Variants in SLC35A3 observed in about 807,000 individuals in gnomAD.
SLC35A3 encodes the protein solute carrier family 35 member A3.
SLC35A3 carries 26 observed loss-of-function variants against 39.0 expected under a neutral mutation model. That is an observed-to-expected ratio of 0.67 (90% confidence interval 0.49 to 0.92). The LOEUF (loss-of-function observed/expected upper bound fraction) is 0.92. Among genes scored for constraint, SLC35A3 ranks in the 40% least tolerant of loss-of-function variants. SLC35A3 has a pLI of 0.00. For synonymous variants in SLC35A3, 135 were observed against 133.1 expected (o/e 1.01, Z -0.10); for missense variants, 299 against 371.6 (o/e 0.80, Z 1.61).
At position 99,993,531 on chromosome 1, in the gene SLC35A3, T is replaced by C. The variant is rs199911395; in HGVS notation, c.-18-6T>C. ...ATTTATTTGCCCTGTTTATTTTGTT[T>C]TTCAGGCAAATGAAGATAAAACAAT... On this transcript the variant is annotated splice_region_variant and splice_polypyrimidine_tract_variant and intron_variant, in intron 1 of 7. Transcript: ENST00000533028. The C allele has an allele frequency of 7.2e-4, 1,168 of 1,611,892 alleles. 3 individuals are homozygous for C. Among genetic ancestry groups the C allele is most frequent in the Non-Finnish European group, 8.8e-4 (1,037 of 1,178,816 alleles).
chr1:99,980,293 A>G (rs1043864999), intron 1 of SLC35A3, among the ~76,000 whole-genome samples: 1 of 152,136 alleles, frequency 6.6e-6, no homozygotes, highest in African/African-American at 2.4e-5. Context: ...AGTGGTGGGA[A>G]GTGACCATAA....
At chr1:100,001,701 G>A (rs887915791) in intron 3 of SLC35A3, among the ~76,000 whole-genome samples, 2 of 151,872 alleles carry the variant, frequency 1.3e-5, no homozygotes, top group Non-Finnish European at 2.9e-5. Context: ...TCATTTGCCC[G>A]ATTTTGTTCC....
In SLC35A3 at chr1:99,997,638, A is replaced by T. The variant is rs1023305336; in HGVS notation, c.188-1623A>T. On this transcript the variant is annotated intron_variant, in intron 2 of 7. Transcript: ENST00000533028. ...ATTGCAGAAATTTTTAAAGCCTGTTATTCTACTCTAATGCAGTTATTTTGT... is the reference window on the plus strand; with the variant it reads ...ATTGCAGAAATTTTTAAAGCCTGTTTTTCTACTCTAATGCAGTTATTTTGT... Among the ~76,000 whole-genome samples, 9 of 150,332 alleles carry T rather than the reference A, an allele frequency of 6.0e-5. No homozygotes were observed. In the East Asian group the frequency reaches 1.6e-3, roughly 26 times the overall value.
intron 1 of SLC35A3, among the ~76,000 whole-genome samples, chr1:99,975,402 A>T (rs771989622): frequency 6.7e-6 from 1 of 150,082 alleles, no homozygotes; most frequent in Non-Finnish European, 1.5e-5. Flanking sequence ...AGTGAATAGA[A>T]GAAGGAAATG....
chr1:100,017,419 T>C (rs1396737051), intron 6 of SLC35A3, among the ~76,000 whole-genome samples: 1 of 152,202 alleles, frequency 6.6e-6, no homozygotes, highest in Non-Finnish European at 1.5e-5. Flanking sequence ...TGATAGACAT[T>C]TTATTTGTAA....
chr1:99,999,173 T>A lies in SLC35A3; in HGVS notation c.188-88T>A, dbSNP rs1372995832. 1.2e-5 allele frequency: 9 copies of A among 776,772 alleles called. No homozygotes were observed. The Admixed American group carries it at 1.8e-4, about 15-fold the overall frequency. 48.1% of individuals were successfully genotyped at this position (776,772 alleles called of 1,614,324 possible). ...GACATGTAGCTCAATTTTGTTTTTCTATAGGTTAGAAAATTGAGATCTTGA... is the reference window on the plus strand; with the variant it reads ...GACATGTAGCTCAATTTTGTTTTTCAATAGGTTAGAAAATTGAGATCTTGA... On this transcript the variant is annotated intron_variant, in intron 2 of 7. Coordinates refer to ENST00000533028, the MANE Select transcript of SLC35A3 (RefSeq NM_012243.3).
intron 3 of SLC35A3, among the ~76,000 whole-genome samples, chr1:100,003,943 C>T (rs1201763653): frequency 2.6e-5 from 4 of 152,034 alleles, no homozygotes; most frequent in African/African-American, 9.7e-5. Context: ...TATTTCTGCT[C>T]GTTTTTGGTT....
chr1:99,979,547 C>T (rs1194920101), intron 1 of SLC35A3, among the ~76,000 whole-genome samples: 2 of 151,238 alleles, frequency 1.3e-5, no homozygotes, highest in Admixed American at 6.6e-5. Context: ...CATTCTCCTG[C>T]CTCAGCCTCC....
intron 1 of SLC35A3, among the ~76,000 whole-genome samples, chr1:99,982,003 CTTTTT>C (rs549298454): frequency 1.6e-5 from 2 of 125,824 alleles, no homozygotes; most frequent in Admixed American, 8.1e-5. Context: ...AGGATGTATT[CTTTTT>C]TTTTTTTTTT....
chr1:100,015,157 CAAAAA>C (rs760381564), intron 5 of SLC35A3, 140 bp from the exon 6 acceptor site: 616 of 453,436 alleles, frequency 1.4e-3, no homozygotes, highest in South Asian at 3.1e-3. Flanking sequence ...GACTCCGTCT[CAAAAA>C]AAAAAAAAAA....
intron 4 of SLC35A3, 157 bp downstream of exon 4, chr1:100,007,313 A>G (rs1659310974): frequency 1.6e-6 from 1 of 611,502 alleles, no homozygotes; most frequent in Non-Finnish European, 2.8e-6. Flanking sequence ...TATGTGACAT[A>G]CTACATTGGG....
rs975091266 is a variant in SLC35A3, at chr1:100,025,720, C to T, written c.*3244C>T. The T allele has an allele frequency of 2.2e-4, 34 of 152,136 alleles. No individual in the cohort carries two copies. The highest frequency in any genetic ancestry group is 8.2e-4 in the African/African-American group (34 of 41,424). 9.4% of individuals were successfully genotyped at this position (152,136 alleles called of 1,614,324 possible). On this transcript the variant is annotated 3_prime_UTR_variant, in exon 8 of 8. Coordinates refer to ENST00000533028, the MANE Select transcript of SLC35A3 (RefSeq NM_012243.3). ...GTGATGTGTGTTTTGATGACCTCCA[C>T]AGGCCTTACTGTATCAAGCTTTTAT...
intron 3 of SLC35A3, among the ~76,000 whole-genome samples, chr1:100,005,181 C>T (rs751837912): frequency 1.1e-4 from 16 of 152,134 alleles, no homozygotes; most frequent in Non-Finnish European, 1.3e-4. Flanking sequence ...TCTTAAAAAA[C>T]CTGCTGCTAA....
At position 100,024,208 on chromosome 1, in the gene SLC35A3, T is replaced by A. The variant is rs565284806; in HGVS notation, c.*1732T>A. The A allele has an allele frequency of 6.6e-6, 1 of 152,216 alleles. No individual in the cohort carries two copies. Among genetic ancestry groups the A allele is most frequent in the Non-Finnish European group, 1.5e-5 (1 of 68,002 alleles). The allele number at this position is 152,216 out of a possible 1,614,324, so 9.4% of individuals were successfully genotyped here. A position where few individuals can be genotyped will look rare whatever the true frequency, so the allele number is the denominator to read the frequency against. ...AAAAATGCTTTCTATAATTTGAATA[T>A]GGGTTTAATTTAATTATTAACTATA... On this transcript the variant is annotated 3_prime_UTR_variant, in exon 8 of 8. Transcript: ENST00000533028.
At chr1:100,008,678 C>T (rs1472714513) in intron 4 of SLC35A3, 19 of 152,266 alleles carry the variant, frequency 1.2e-4, no homozygotes, top group Admixed American at 1.2e-3. Context: ...GCCTGGCTAA[C>T]TCCTACCTTT....
chr1:99,974,497 T>C (rs1656998615), intron 1 of SLC35A3, among the ~76,000 whole-genome samples: 1 of 152,180 alleles, frequency 6.6e-6, no homozygotes, highest in African/African-American at 2.4e-5. Context: ...TTTTTGTTTT[T>C]TAAATAATTT....
rs541931193 is a variant in SLC35A3 at position 99,982,869 on chromosome 1, AGAG to A, written c.-18-10664_-18-10662del. Among the ~76,000 whole-genome samples the A allele has an allele frequency of 2.9e-3, 449 of 152,302 alleles. 2 individuals are homozygous for A. The highest frequency in any genetic ancestry group is 9.8e-3 in the African/African-American group (407 of 41,578). The stretch of plus-strand genomic sequence containing the variant: ...ATAAATATCAAACATCCAAAAATTT[AGAG>A]GAGAATTAGTGATTAGAAAGCAAGT... On this transcript the variant is annotated intron_variant, in intron 1 of 7. Coordinates refer to ENST00000533028, the MANE Select transcript of SLC35A3 (RefSeq NM_012243.3).
At chr1:99,993,391 T>G (rs1040216615) in intron 1 of SLC35A3, 146 bp from the exon 2 acceptor site, 57 of 601,162 alleles carry the variant, frequency 9.5e-5, no homozygotes, top group Admixed American at 3.4e-5. Context: ...GTCTCTTGGT[T>G]TCTGTTTTTT....
intron 5 of SLC35A3, among the ~76,000 whole-genome samples, chr1:100,015,013 C>G (rs1380829091): frequency 6.6e-6 from 1 of 151,958 alleles, no homozygotes; most frequent in African/African-American, 2.4e-5. Context: ...AAAAAATTAG[C>G]TGGGCGTGGT....
Sources: gnomAD v4.1 joint callset for allele counts (sites outside exome capture counted in the v4.1 genomes callset) on GRCh38, gnomAD v4.1.1 for gene constraint, MANE v1.5 for transcripts, NCBI Gene and HGNC (gene_info 2026-07-23, HGNC 2026-07-21) for gene names.